Variants in RBFOX2 observed in about 807,000 individuals in gnomAD.
RBFOX2 encodes the protein RNA binding fox-1 homolog 2.
RBFOX2 carries 10 observed loss-of-function variants against 49.1 expected under a neutral mutation model. The observed-to-expected ratio is 0.20, with a 90% confidence interval of 0.13 to 0.35. The LOEUF (loss-of-function observed/expected upper bound fraction) is 0.35, where lower values mean the gene tolerates loss of function less well. RBFOX2 is among the 10% of genes least tolerant of loss of function. The pLI, the probability that RBFOX2 is intolerant of heterozygous loss-of-function variation, is 1.00. For synonymous variants in RBFOX2, 183 were observed against 187.4 expected (o/e 0.98, Z 0.19); for missense variants, 323 against 486.9 (o/e 0.66, Z 3.17).
At chr22:35,853,036 G>A (rs541776472) in intron 1 of RBFOX2, among the ~76,000 whole-genome samples, 1 of 152,260 alleles carries the variant, frequency 6.6e-6, no homozygotes, top group Admixed American at 6.5e-5. Flanking sequence ...GCTCATGCCT[G>A]TAATCCCAGC....
intron 1 of RBFOX2, among the ~76,000 whole-genome samples, chr22:35,847,393 T>A (rs1283272251): frequency 6.6e-6 from 1 of 152,164 alleles, no homozygotes; most frequent in Admixed American, 6.5e-5. Context: ...TTAAAAGAAA[T>A]ACTGTTCAAT....
At chr22:35,801,037 T>C (rs1031465872) in intron 2 of RBFOX2, among the ~76,000 whole-genome samples, 17 of 152,208 alleles carry the variant, frequency 1.1e-4, no homozygotes, top group African/African-American at 3.9e-4. Flanking sequence ...CTTCTTTCAC[T>C]ACGTTGAATA....
chr22:35,748,787 G>T (rs1486258683), intron 9 of RBFOX2, among the ~76,000 whole-genome samples: 1 of 152,182 alleles, frequency 6.6e-6, no homozygotes, highest in Non-Finnish European at 1.5e-5. Context: ...ATTAAAAACT[G>T]AAGTCTTATG....
chr22:35,947,822 A>T (rs1182545749), intron 1 of RBFOX2, among the ~76,000 whole-genome samples: 1 of 152,208 alleles, frequency 6.6e-6, no homozygotes, highest in Admixed American at 6.5e-5. Context: ...AGTTAAAAAA[A>T]TTTTAAAGTT....
At chr22:35,915,039 C>CGGA (rs1029311679) in intron 1 of RBFOX2, among the ~76,000 whole-genome samples, 9 of 152,300 alleles carry the variant, frequency 5.9e-5, no homozygotes, top group African/African-American at 1.9e-4. Context: ...CCCTCCTCCC[C>CGGA]CTTTGCCATT....
At chr22:35,799,837 C>A (rs9622289) in intron 2 of RBFOX2, among the ~76,000 whole-genome samples, 6,487 of 151,926 alleles carry the variant, frequency 0.043, 472 homozygotes, top group African/African-American at 0.15. Context: ...CCTGTAGTCC[C>A]AGCTACTCGT....
intron 1 of RBFOX2, among the ~76,000 whole-genome samples, chr22:35,889,382 C>G (rs1350468828): frequency 6.6e-6 from 1 of 152,114 alleles, no homozygotes; most frequent in Non-Finnish European, 1.5e-5. Context: ...TACCCAAGTA[C>G]TAAATCCAAA....
chr22:36,028,413 C>A lies in RBFOX2; in HGVS notation c.13G>T (p.Ala5Ser), dbSNP rs1285777321. The change falls in exon 1 of 14, where the codon GCC becomes TCC. Residue 5 changes from alanine to serine, a missense_variant. Physicochemically the swap from Ala to Ser is moderately conservative, Grantham distance 99 (BLOSUM62 1). Coordinates refer to the RBFOX2 transcript ENST00000438146. ...AGCTGAGGCGGCTGATGCGGCTGGG[C>A]GCCCTCCGCCATCCGCCCGCGCCCC... 3.3e-6 allele frequency: 4 copies of A among 1,228,632 alleles called. No individual in the cohort carries two copies. In the African/African-American group the frequency reaches 4.7e-5, roughly 14 times the overall value. The allele number at this position is 1,228,632 out of a possible 1,614,324, so 76.1% of individuals were successfully genotyped here.
At chr22:35,987,849 A>G (rs1487817296) in intron 1 of RBFOX2, among the ~76,000 whole-genome samples, 1 of 152,234 alleles carries the variant, frequency 6.6e-6, no homozygotes, top group Non-Finnish European at 1.5e-5. Flanking sequence ...AAAATGAGAT[A>G]ATACAAAGTC....
upstream of RBFOX2, among the ~76,000 whole-genome samples, chr22:35,940,793 C>T (rs553722611): frequency 6.6e-6 from 1 of 152,184 alleles, no homozygotes; most frequent in Non-Finnish European, 1.5e-5. Context: ...CAGATGAATA[C>T]TGAAAACACC....
chr22:35,965,345 C>A (rs1363950847), upstream of RBFOX2, among the ~76,000 whole-genome samples: 1 of 152,138 alleles, frequency 6.6e-6, no homozygotes, highest in Non-Finnish European at 1.5e-5. Context: ...TTCTACCTAA[C>A]CCAAATTAGG....
chr22:35,817,477 AAAAT>A (rs35010904), intron 1 of RBFOX2, among the ~76,000 whole-genome samples: 46,184 of 149,262 alleles, frequency 0.31, 7,308 homozygotes, highest in Middle Eastern at 0.53. Flanking sequence ...ACTTTGTCTC[AAAAT>A]AAATAAATAA....
upstream of RBFOX2, among the ~76,000 whole-genome samples, chr22:35,942,011 T>A (rs1038282769): frequency 6.6e-6 from 1 of 152,238 alleles, no homozygotes; most frequent in Non-Finnish European, 1.5e-5. Flanking sequence ...TAATTTGGCA[T>A]TTTTGCTCAA....
exon 1 of RBFOX2, chr22:36,028,567 C>T (rs2059541317): frequency 4.3e-5 from 30 of 702,226 alleles, no homozygotes; most frequent in African/African-American, 9.7e-5. Flanking sequence ...CGCGAGCGGA[C>T]TCCGCGCCCC....
At chr22:35,934,803 G>A (rs769129170) in intron 1 of RBFOX2, among the ~76,000 whole-genome samples, 25 of 152,144 alleles carry the variant, frequency 1.6e-4, no homozygotes, top group Non-Finnish European at 2.5e-4. Flanking sequence ...TAAAAATACT[G>A]CAAATCCATA....
At position 35,806,753 on chromosome 22, in the gene RBFOX2, G is replaced by C. The variant is rs577359520; in HGVS notation, c.252+3027C>G. Among the ~76,000 whole-genome samples, 4 of 152,168 alleles carry C rather than the reference G, an allele frequency of 2.6e-5. No homozygotes were observed. In the East Asian group the frequency reaches 7.7e-4, roughly 29 times the overall value. ...AATTGACCAAATGCTCCAATAAAAA[G>C]ACAGAAATTTTCAGACTGGATGAAG... is the stretch of plus-strand genomic sequence containing the variant. On this transcript the variant is annotated intron_variant, in intron 2 of 11. Coordinates refer to ENST00000405409, the Ensembl canonical transcript of RBFOX2.
At chr22:35,793,873 T>C (rs1948253616) in intron 2 of RBFOX2, among the ~76,000 whole-genome samples, 1 of 152,178 alleles carries the variant, frequency 6.6e-6, no homozygotes, top group Non-Finnish European at 1.5e-5. Context: ...TTCCATTTTC[T>C]CAGAGTGTCA....
chr22:35,824,643 A>C (rs1349801028), intron 1 of RBFOX2, among the ~76,000 whole-genome samples: 2 of 152,236 alleles, frequency 1.3e-5, no homozygotes, highest in Non-Finnish European at 2.9e-5. Context: ...AACTTAAGAA[A>C]GGTGGCCTGC....
chr22:36,016,526 T>C (rs1017492348), intron 1 of RBFOX2, among the ~76,000 whole-genome samples: 2 of 151,898 alleles, frequency 1.3e-5, no homozygotes, highest in Non-Finnish European at 1.5e-5. Flanking sequence ...ATGCCTGGAA[T>C]AAAATATCCA....
Sources: allele counts gnomAD v4.1 joint callset (sites outside exome capture counted in the v4.1 genomes callset), GRCh38; gene constraint gnomAD v4.1.1; transcripts MANE v1.5; gene names NCBI Gene and HGNC (gene_info 2026-07-23, HGNC 2026-07-21).